SMURF2: variants seen among roughly 807,000 people sequenced by gnomAD.
SMURF2 encodes E3 ubiquitin-protein ligase SMURF2.
In SMURF2, 48 loss-of-function variants were observed where a neutral mutation model predicts 109.6. The observed-to-expected ratio is 0.44, with a 90% CI of 0.35 to 0.56. SMURF2 has a LOEUF of 0.56. Ranked by LOEUF, SMURF2 falls within the 20% of genes least tolerant of loss-of-function variation. The probability of loss-of-function intolerance (pLI) is 0.01; values close to 1 mark genes in which losing one functional copy is unlikely to be tolerated. For synonymous variants in SMURF2, 288 were observed against 317.1 expected, an observed-to-expected ratio of 0.91 and a Z score of 0.97; for missense variants, 575 against 909.0, an observed-to-expected ratio of 0.63 and a Z score of 4.72.
chr17:64,639,174 ATT>A (rs1970460950), intron 1 of SMURF2, among the ~76,000 whole-genome samples: 1 of 152,240 alleles, frequency 6.6e-6, no homozygotes, highest in Non-Finnish European at 1.5e-5. Flanking sequence ...CACTTATAAT[ATT>A]TATGAATTTT....
intron 1 of SMURF2, among the ~76,000 whole-genome samples, chr17:64,619,078 T>G (rs1555690362): frequency 1.3e-5 from 2 of 152,158 alleles, no homozygotes; most frequent in Admixed American, 6.5e-5. Context: ...ACAGAGAACA[T>G]GAGACCAGTA....
rs1259809919 is a variant in SMURF2, at chr17:64,621,617, T to C, written c.53-14977A>G. Among the ~76,000 whole-genome samples, 8 of 151,206 alleles carry C rather than the reference T, an allele frequency of 5.3e-5. No individual in the cohort carries two copies. In the South Asian group the frequency reaches 1.3e-3, roughly 24 times the overall value. ...TAGGCCAGGCACGGTGGTTCATGCC[T>C]GTAATCCCAGCATTTTGGGAGGCCG... On this transcript the variant is annotated intron_variant, in intron 1 of 18. Coordinates refer to ENST00000262435, the MANE Select transcript of SMURF2 (RefSeq NM_022739.4).
In SMURF2 at chr17:64,545,141, T is replaced by G. The variant is rs1968929128; in HGVS notation, c.*707A>C. 1.3e-5 allele frequency: 2 copies of G among 152,404 alleles called. No individual in the cohort carries two copies. Among genetic ancestry groups the G allele is most frequent in the Admixed American group, 1.3e-4 (2 of 15,264 alleles). 9.4% of individuals were successfully genotyped at this position (152,404 alleles called of 1,614,324 possible). A position where few individuals can be genotyped will look rare whatever the true frequency, so the allele number is the denominator to read the frequency against. On this transcript the variant is annotated 3_prime_UTR_variant, in exon 19 of 19. Transcript: ENST00000262435. ...CATCTTATTGTCACAAATAAATGAC[T>G]AAGTTTAGACTAAATGGTTGCATTA...
intron 3 of SMURF2, among the ~76,000 whole-genome samples, chr17:64,596,019 G>A (rs1969811404): frequency 6.6e-6 from 1 of 151,202 alleles, no homozygotes; most frequent in African/African-American, 2.4e-5. Flanking sequence ...ATTGAGGCAA[G>A]CTGCAAAATA....
chr17:64,600,890 AT>A (rs1969885721), intron 2 of SMURF2, among the ~76,000 whole-genome samples: 1 of 152,200 alleles, frequency 6.6e-6, no homozygotes, highest in East Asian at 1.9e-4. Flanking sequence ...TTTGGGTGTT[AT>A]TAAACTAGTT....
intron 1 of SMURF2, among the ~76,000 whole-genome samples, chr17:64,635,691 G>T (rs907692487): frequency 1.3e-5 from 2 of 152,058 alleles, no homozygotes; most frequent in Non-Finnish European, 2.9e-5. Context: ...ATATTCCATT[G>T]TATAGATATG....
chr17:64,606,168 T>C (rs1969967916), intron 2 of SMURF2, among the ~76,000 whole-genome samples: 1 of 152,186 alleles, frequency 6.6e-6, no homozygotes, highest in Non-Finnish European at 1.5e-5. Flanking sequence ...GAGATTTCTT[T>C]CCCACACTCT....
intron 10 of SMURF2, among the ~76,000 whole-genome samples, chr17:64,569,331 A>G (rs1346057260): frequency 6.6e-6 from 1 of 152,142 alleles, no homozygotes; most frequent in African/African-American, 2.4e-5. Context: ...ACAAAAGTAA[A>G]GTCCACATGG....
At chr17:64,584,411 T>C (rs1598282378) in intron 6 of SMURF2, among the ~76,000 whole-genome samples, 1 of 139,758 alleles carries the variant, frequency 7.2e-6, no homozygotes, top group Non-Finnish European at 1.5e-5. Flanking sequence ...CAGGCTGGAG[T>C]GCAGTGGCGC....
chr17:64,573,445 C>T (rs976690026), intron 9 of SMURF2, among the ~76,000 whole-genome samples: 1 of 152,004 alleles, frequency 6.6e-6, no homozygotes, highest in Non-Finnish European at 1.5e-5. Context: ...CAATGATGGG[C>T]ACACAGGGAC....
chr17:64,590,266 C>A (rs1351773624), intron 5 of SMURF2, among the ~76,000 whole-genome samples: 1 of 151,700 alleles, frequency 6.6e-6, no homozygotes, highest in South Asian at 2.1e-4. Context: ...CTCAGCCTCC[C>A]GAGTAGCTGG....
At chr17:64,620,646 A>G (rs1461331805) in intron 1 of SMURF2, among the ~76,000 whole-genome samples, 1 of 151,906 alleles carries the variant, frequency 6.6e-6, no homozygotes, top group East Asian at 1.9e-4. Context: ...TCTGATTTTG[A>G]TCTCTTCCTT....
At chr17:64,634,876 G>C (rs1457229821) in intron 1 of SMURF2, among the ~76,000 whole-genome samples, 1 of 152,104 alleles carries the variant, frequency 6.6e-6, no homozygotes, top group East Asian at 1.9e-4. Flanking sequence ...TCCATTTTAA[G>C]AGCACAGAAT....
chr17:64,627,705 C>CA (rs1970286473), intron 1 of SMURF2, among the ~76,000 whole-genome samples: 1 of 152,104 alleles, frequency 6.6e-6, no homozygotes, highest in Non-Finnish European at 1.5e-5. Flanking sequence ...ATATCACATA[C>CA]AAAACAGAGG....
intron 2 of SMURF2, among the ~76,000 whole-genome samples, chr17:64,605,064 TA>T (rs200250514): frequency 2.1e-3 from 296 of 143,970 alleles, no homozygotes; most frequent in Admixed American, 2.4e-3. Flanking sequence ...TATCAAAGGT[TA>T]AAAAAAAAAA....
chr17:64,650,362 A>G (rs193100882), intron 1 of SMURF2, among the ~76,000 whole-genome samples: 139 of 142,246 alleles, frequency 9.8e-4, no homozygotes, highest in African/African-American at 3.5e-3. Flanking sequence ...TTTTTTTGGT[A>G]TTTTCACACC....
chr17:64,632,272 TG>T (rs1970362670), intron 1 of SMURF2, among the ~76,000 whole-genome samples: 1 of 151,918 alleles, frequency 6.6e-6, no homozygotes, highest in African/African-American at 2.4e-5. Context: ...AAGGGGTGGG[TG>T]GGAGGAAGCA....
chr17:64,653,973 A>C (rs1334785086), intron 1 of SMURF2, among the ~76,000 whole-genome samples: 10 of 152,192 alleles, frequency 6.6e-5, no homozygotes, highest in Admixed American at 6.6e-4. Context: ...GCCTCACCCA[A>C]AAGACTGCAG....
At chr17:64,573,800 C>T (rs1403687631) in intron 9 of SMURF2, among the ~76,000 whole-genome samples, 1 of 152,070 alleles carries the variant, frequency 6.6e-6, no homozygotes, top group Non-Finnish European at 1.5e-5. Context: ...ACTGCACCGG[C>T]CCCAAATAGA....
Sources: gnomAD v4.1 joint callset for allele counts (sites outside exome capture counted in the v4.1 genomes callset) on GRCh38, gnomAD v4.1.1 for gene constraint, MANE v1.5 for transcripts, NCBI Gene and HGNC (gene_info 2026-07-23, HGNC 2026-07-21) for gene names.